TBCA: variants seen among roughly 807,000 people sequenced by gnomAD.
The protein encoded by TBCA is tubulin-specific chaperone A.
Under a neutral mutation model 15.8 loss-of-function variants are expected in TBCA, and 6 were observed. That is an observed-to-expected ratio of 0.38 (90% CI 0.21 to 0.75). The LOEUF is 0.75. TBCA is among the 30% of genes least tolerant of loss of function. The pLI is 0.46. For synonymous variants in TBCA, 32 were observed against 42.3 expected (o/e 0.76, Z 0.94); for missense variants, 90 against 131.2 (o/e 0.69, Z 1.53).
intron 2 of TBCA, among the ~76,000 whole-genome samples, chr5:77,695,180 A>G (rs1745845968): frequency 6.6e-6 from 1 of 152,194 alleles, no homozygotes; most frequent in Non-Finnish European, 1.5e-5. Flanking sequence ...AGCCACCAAA[A>G]AAAACTTTAG....
intron 2 of TBCA, among the ~76,000 whole-genome samples, chr5:77,698,557 T>C (rs904265036): frequency 6.6e-6 from 1 of 152,204 alleles, no homozygotes; most frequent in Non-Finnish European, 1.5e-5. Flanking sequence ...CCAGATAATT[T>C]CAATAGACAA....
intron 2 of TBCA, among the ~76,000 whole-genome samples, chr5:77,706,825 A>AG (rs1434860340): frequency 5.3e-5 from 8 of 150,990 alleles, no homozygotes; most frequent in Admixed American, 4.0e-4. Context: ...AAAAAAAAAA[A>AG]AAAGAAAGAA....
At position 77,705,631 on chromosome 5, in the gene TBCA, C is replaced by A. The variant is rs868104301; in HGVS notation, c.159+2611G>T. On this transcript the variant is annotated intron_variant, in intron 2 of 3. Transcript: ENST00000380377. ...TCACTGGAGGCCAGGAGTTGAAGACCAGCCTAAACAAGAAAGTAAGACCCT... is the reference window on the plus strand; with the variant it reads ...TCACTGGAGGCCAGGAGTTGAAGACAAGCCTAAACAAGAAAGTAAGACCCT... The A allele has an allele frequency of 2.5e-4, 99 of 398,178 alleles. No individual in the cohort carries two copies. The Middle Eastern group carries it at 8.8e-3, about 35-fold the overall frequency. 24.7% of individuals were successfully genotyped at this position (398,178 alleles called of 1,614,324 possible). A position where few individuals can be genotyped will look rare whatever the true frequency, so the allele number is the denominator to read the frequency against.
At position 77,760,569 on chromosome 5, in the gene TBCA, C is replaced by T. The variant is rs558733595; in HGVS notation, c.53+15636G>A. 5.9e-5 allele frequency among the ~76,000 whole-genome samples: 9 copies of T among 152,284 alleles called. No homozygotes were observed. The East Asian group carries it at 1.7e-3, about 30-fold the overall frequency. The stretch of plus-strand genomic sequence containing the variant: ...TGCCGAGTGCCTAGGATTACAGGCA[C>T]GCGCCACCACGCCTGACTGGTTTTT... On this transcript the variant is annotated intron_variant, in intron 1 of 3. Transcript: ENST00000380377.
chr5:77,699,530 C>A (rs1293336148), intron 2 of TBCA, among the ~76,000 whole-genome samples: 2 of 152,116 alleles, frequency 1.3e-5, no homozygotes, highest in Non-Finnish European at 2.9e-5. Context: ...TGGACATTGA[C>A]TGGCAAAAAG....
At chr5:77,692,064 T>C (rs919099069) in intron 3 of TBCA, 2 of 985,006 alleles carry the variant, frequency 2.0e-6, no homozygotes, top group South Asian at 4.7e-5. Context: ...ATTGAGTTTT[T>C]CCATAATACT....
intron 1 of TBCA, among the ~76,000 whole-genome samples, chr5:77,770,588 A>AC (rs1293631615): frequency 6.6e-6 from 1 of 152,150 alleles, no homozygotes; most frequent in Non-Finnish European, 1.5e-5. Flanking sequence ...CCAAAAAAAA[A>AC]ACAGAGTGTT....
intron 3 of TBCA, chr5:77,693,053 G>T: frequency 7.0e-7 from 1 of 1,435,544 alleles, no homozygotes; most frequent in Non-Finnish European, 9.1e-7. Flanking sequence ...TTAATAAACT[G>T]AACAAACATG....
chr5:77,742,832 A>G (rs1747084673), intron 1 of TBCA, among the ~76,000 whole-genome samples: 1 of 152,202 alleles, frequency 6.6e-6, no homozygotes, highest in Non-Finnish European at 1.5e-5. Context: ...AATGAATTAA[A>G]ACACAAACAA....
intron 1 of TBCA, among the ~76,000 whole-genome samples, chr5:77,727,882 CAG>C (rs1366023615): frequency 6.6e-6 from 1 of 152,022 alleles, no homozygotes; most frequent in Non-Finnish European, 1.5e-5. Flanking sequence ...GTAGAAAAGA[CAG>C]TACTATATTC....
At chr5:77,731,340 G>A (rs1746763521) in intron 1 of TBCA, among the ~76,000 whole-genome samples, 1 of 152,106 alleles carries the variant, frequency 6.6e-6, no homozygotes, top group Non-Finnish European at 1.5e-5. Flanking sequence ...TAGTTCCACT[G>A]GTTCAAAGTT....
At chr5:77,699,965 G>T (rs1395091311) in intron 2 of TBCA, among the ~76,000 whole-genome samples, 2 of 148,972 alleles carry the variant, frequency 1.3e-5, no homozygotes, top group African/African-American at 2.5e-5. Flanking sequence ...TTGAACCTGG[G>T]AGGCAGAGGT....
chr5:77,724,919 T>A (rs1190395727), intron 1 of TBCA, among the ~76,000 whole-genome samples: 1 of 152,220 alleles, frequency 6.6e-6, no homozygotes, highest in Non-Finnish European at 1.5e-5. Flanking sequence ...GAAATGTTTA[T>A]ATAAATTCGT....
intron 1 of TBCA, among the ~76,000 whole-genome samples, chr5:77,743,412 G>A (rs1167797773): frequency 1.3e-5 from 2 of 152,240 alleles, no homozygotes; most frequent in Non-Finnish European, 2.9e-5. Context: ...ACAGAAAATG[G>A]AGAGGAAGTT....
At chr5:77,743,689 T>G (rs1454859242) in intron 1 of TBCA, among the ~76,000 whole-genome samples, 2 of 152,108 alleles carry the variant, frequency 1.3e-5, no homozygotes, top group African/African-American at 2.4e-5. Flanking sequence ...TAGCAATGGG[T>G]TTCACAATCT....
rs115012958 is a variant in TBCA, at chr5:77,702,365, C to T, written c.159+5877G>A. Among the ~76,000 whole-genome samples the T allele has an allele frequency of 9.1e-3, 1,386 of 152,258 alleles. 10 individuals carry two copies. The highest frequency in any genetic ancestry group is 0.031 in the African/African-American group (1,286 of 41,536). On this transcript the variant is annotated intron_variant, in intron 2 of 3. Transcript: ENST00000380377. The stretch of plus-strand genomic sequence containing the variant: ...AGTAATAAAGAACAAACTATTGATA[C>T]ACTCAGTAACTTCAATGGACCTAAA...
At chr5:77,712,682 A>C (rs1746308429) in intron 1 of TBCA, among the ~76,000 whole-genome samples, 2 of 152,200 alleles carry the variant, frequency 1.3e-5, no homozygotes, top group Non-Finnish European at 1.5e-5. Context: ...TATTGTTTGA[A>C]ACAAACTCAT....
chr5:77,744,727 G>A lies in TBCA; in HGVS notation c.53+31478C>T, dbSNP rs535336386. Among the ~76,000 whole-genome samples, 4 of 151,784 alleles carry A rather than the reference G, an allele frequency of 2.6e-5. No individual in the cohort carries two copies. In the East Asian group the frequency reaches 7.8e-4, roughly 30 times the overall value. The stretch of plus-strand genomic sequence containing the variant: ...ATTTTTGTATTTTTAGTAGAGACGG[G>A]GTTTCACCATGTTGGCCAGGCTGGT... On this transcript the variant is annotated intron_variant, in intron 1 of 3. Coordinates refer to ENST00000380377, the MANE Select transcript of TBCA (RefSeq NM_004607.3).
intron 1 of TBCA, among the ~76,000 whole-genome samples, chr5:77,775,190 T>A (rs1747993140): frequency 6.6e-6 from 1 of 152,172 alleles, no homozygotes; most frequent in African/African-American, 2.4e-5. Flanking sequence ...ACTGACTGCT[T>A]CCTCTGCCCT....
Sources: allele counts gnomAD v4.1 joint callset (sites outside exome capture counted in the v4.1 genomes callset), GRCh38; gene constraint gnomAD v4.1.1; transcripts MANE v1.5; gene names NCBI Gene and HGNC (gene_info 2026-07-23, HGNC 2026-07-21).